Variants in EPS15 observed in about 807,000 individuals in gnomAD.
EPS15 encodes the protein epidermal growth factor receptor substrate 15.
Under a neutral mutation model 113.8 loss-of-function variants are expected in EPS15, and 72 were observed. The observed-to-expected ratio is 0.63, with a 90% CI of 0.52 to 0.77. The LOEUF (loss-of-function observed/expected upper bound fraction) is 0.77. EPS15 is among the 30% of genes least tolerant of loss of function. The pLI, the probability that EPS15 is intolerant of heterozygous loss-of-function variation, is 0.00. For synonymous variants in EPS15, 344 were observed against 363.4 expected (o/e 0.95, Z 0.61); for missense variants, 1,048 against 1,045.8 (o/e 1.00, Z -0.03).
Position 51,469,327 on chromosome 1 carries a change from C to T in EPS15, c.214-759G>A, listed in dbSNP as rs189161603. ...AGTAATTCAAATGACTTAATGACTG[C>T]AATTCCAGAAAAACTACAGAAAATA... On this transcript the variant is annotated intron_variant, in intron 4 of 24. Coordinates refer to ENST00000371733, the MANE Select transcript of EPS15 (RefSeq NM_001981.3). Among the ~76,000 whole-genome samples the T allele has an allele frequency of 1.6e-3, 242 of 152,112 alleles. 1 individual carries two copies. The highest frequency in any genetic ancestry group is 5.6e-3 in the African/African-American group (232 of 41,500).
At chr1:51,389,598 G>A (rs1647200649) in intron 21 of EPS15, among the ~76,000 whole-genome samples, 1 of 152,224 alleles carries the variant, frequency 6.6e-6, no homozygotes. Context: ...ATCTCCTTAA[G>A]CTGATAAGCA....
intron 11 of EPS15, among the ~76,000 whole-genome samples, chr1:51,440,961 G>A (rs1288725122): frequency 6.6e-6 from 1 of 151,994 alleles, no homozygotes; most frequent in Non-Finnish European, 1.5e-5. Flanking sequence ...AACTGCTCAA[G>A]CATGTTCCAT....
At chr1:51,437,140 T>C (rs905397910) in intron 12 of EPS15, among the ~76,000 whole-genome samples, 1 of 152,164 alleles carries the variant, frequency 6.6e-6, no homozygotes, top group African/African-American at 2.4e-5. Flanking sequence ...TCCCAATGTC[T>C]TATATTTTCT....
intron 1 of EPS15, among the ~76,000 whole-genome samples, chr1:51,492,949 CG>C (rs1244950117): frequency 6.6e-6 from 1 of 152,136 alleles, no homozygotes; most frequent in African/African-American, 2.4e-5. Flanking sequence ...AAACAACAGC[CG>C]GGCGCGGTGG....
chr1:51,369,931 G>A (rs545635648), intron 21 of EPS15, among the ~76,000 whole-genome samples: 112 of 152,302 alleles, frequency 7.4e-4, no homozygotes, highest in African/African-American at 2.6e-3. Flanking sequence ...GACAGAAACT[G>A]TCTATTAAGA....
chr1:51,457,113 G>A lies in EPS15; in HGVS notation c.561+3978C>T, dbSNP rs187440797. ...ATCCTGGCAAACACAGTGAAACCCC[G>A]TCTCTACTAAAAATACAAAAAAAAT... On this transcript the variant is annotated intron_variant, in intron 8 of 24. Coordinates refer to ENST00000371733, the MANE Select transcript of EPS15 (RefSeq NM_001981.3). 4.2e-3 allele frequency among the ~76,000 whole-genome samples: 637 copies of A among 151,936 alleles called. 5 individuals carry two copies. Among genetic ancestry groups the A allele is most frequent in the African/African-American group, 0.014 (596 of 41,416 alleles).
chr1:51,476,462 T>C (rs1216973565), intron 2 of EPS15, among the ~76,000 whole-genome samples: 2 of 152,140 alleles, frequency 1.3e-5, no homozygotes, highest in African/African-American at 4.8e-5. Flanking sequence ...CCATTTCTTC[T>C]AGATTTTCTA....
chr1:51,494,363 C>T (rs577405243), intron 1 of EPS15, among the ~76,000 whole-genome samples: 49 of 152,314 alleles, frequency 3.2e-4, no homozygotes, highest in South Asian at 1.0e-3. Flanking sequence ...ATCCCTCAGG[C>T]CCTCTCTATT....
At chr1:51,499,025 C>T (rs12137888) in intron 1 of EPS15, among the ~76,000 whole-genome samples, 198 of 152,272 alleles carry the variant, frequency 1.3e-3, no homozygotes, top group Non-Finnish European at 2.4e-3. Flanking sequence ...GCATTCATCC[C>T]TTTTACGCCC....
chr1:51,363,283 G>A (rs1029447773), intron 23 of EPS15, among the ~76,000 whole-genome samples: 1 of 143,006 alleles, frequency 7.0e-6, no homozygotes. Context: ...GGGCAACAGA[G>A]CGAGATTCCA....
intron 11 of EPS15, among the ~76,000 whole-genome samples, chr1:51,442,515 T>C (rs1490872545): frequency 6.6e-6 from 1 of 152,164 alleles, no homozygotes; most frequent in Non-Finnish European, 1.5e-5. Flanking sequence ...GTTTAGTTAA[T>C]ATTTTATGTA....
In EPS15 at chr1:51,465,317, T is replaced by G; in HGVS notation, c.319A>C (p.Ser107Arg). ...GTTCCACTGATTAGCAAAGGACTAC[T>G]GGTATCATGCTATAGAAGAAAGTAA... is the stretch of plus-strand genomic sequence containing the variant. ...AVPPPRFHDT[S>R]SPLLISGTSA... Residue 107 changes from serine to arginine, a missense_variant, in exon 6 of 25, where the codon AGT becomes CGT. Ser to Arg is a moderately radical substitution (Grantham distance 110). Coordinates refer to ENST00000371733, the MANE Select transcript of EPS15 (RefSeq NM_001981.3). The G allele has an allele frequency of 6.2e-7, 1 of 1,608,886 alleles. No homozygotes were observed. The highest frequency in any genetic ancestry group is 1.1e-5 in the South Asian group (1 of 90,598).
rs77150703 is a variant in EPS15, at chr1:51,470,208, T to C, written c.213+1482A>G. 4.7e-4 allele frequency among the ~76,000 whole-genome samples: 72 copies of C among 152,296 alleles called. 1 individual carries two copies. In the East Asian group the frequency reaches 0.013, roughly 27 times the overall value. ...CCAAGGGCAAGTTAAAACCCTTCCA[T>C]AATAGGGGGGCTAATACCTACCTTG... is the stretch of plus-strand genomic sequence containing the variant. On this transcript the variant is annotated intron_variant, in intron 4 of 24. Transcript: ENST00000371733.
At chr1:51,379,810 C>T (rs1156346117) in intron 21 of EPS15, among the ~76,000 whole-genome samples, 1 of 152,084 alleles carries the variant, frequency 6.6e-6, no homozygotes, top group African/African-American at 2.4e-5. Flanking sequence ...GCCTGTAATC[C>T]CAGCACTTTG....
At chr1:51,455,734 T>G (rs540740219) in intron 8 of EPS15, among the ~76,000 whole-genome samples, 1 of 152,262 alleles carries the variant, frequency 6.6e-6, no homozygotes, top group African/African-American at 2.4e-5. Context: ...AGATAATTCA[T>G]CCATGAGTAA....
chr1:51,446,067 T>C (rs1653023718), intron 10 of EPS15, among the ~76,000 whole-genome samples: 1 of 152,362 alleles, frequency 6.6e-6, no homozygotes, highest in African/African-American at 2.4e-5. Flanking sequence ...TCTGCCTCCC[T>C]TCTTTTCTAA....
At chr1:51,381,716 T>C (rs997281557) in intron 21 of EPS15, among the ~76,000 whole-genome samples, 5 of 152,008 alleles carry the variant, frequency 3.3e-5, no homozygotes, top group African/African-American at 7.3e-5. Flanking sequence ...GCTCAACCAA[T>C]TGGTCAAAGA....
chr1:51,440,980 T>G (rs1652553843), intron 11 of EPS15, among the ~76,000 whole-genome samples: 1 of 152,098 alleles, frequency 6.6e-6, no homozygotes, highest in African/African-American at 2.4e-5. Context: ...ATAATAAATA[T>G]TAATACCATC....
At chr1:51,461,758 A>C (rs1654472470) in intron 7 of EPS15, 1 of 152,236 alleles carries the variant, frequency 6.6e-6, no homozygotes, top group Non-Finnish European at 1.5e-5. Flanking sequence ...AAAAAATGGC[A>C]TTTAAATAAA....
Sources: allele counts gnomAD v4.1 joint callset (sites outside exome capture counted in the v4.1 genomes callset), GRCh38; gene constraint gnomAD v4.1.1; transcripts MANE v1.5; gene names NCBI Gene and HGNC (gene_info 2026-07-23, HGNC 2026-07-21).